The following CASZ1 variants were observed in gnomAD, a reference collection of about 807,000 sequenced individuals.
The protein encoded by CASZ1 is castor zinc finger 1.
Under a neutral mutation model 135.2 loss-of-function variants are expected in CASZ1, and 28 were observed. The ratio of observed to expected loss-of-function variants is 0.21; its 90% CI spans 0.15 to 0.28. CASZ1 has a LOEUF of 0.28. Ranked by LOEUF, CASZ1 falls within the 10% of genes least tolerant of loss-of-function variation. The pLI, the probability that CASZ1 is intolerant of heterozygous loss-of-function variation, is 1.00. For missense variants in CASZ1, 2,161 were observed against 2,453.3 expected (o/e 0.88, Z 2.52); for synonymous variants, 1,068 against 1,073.4 (o/e 0.99, Z 0.10).
intron 1 of CASZ1, among the ~76,000 whole-genome samples, chr1:10,761,139 T>A (rs1339510555): frequency 6.6e-6 from 1 of 152,248 alleles, no homozygotes; most frequent in Non-Finnish European, 1.5e-5. Flanking sequence ...GAAACAATAC[T>A]AGGCCAATCA....
intron 15 of CASZ1, chr1:10,648,654 T>G: frequency 5.0e-6 from 1 of 198,982 alleles, no homozygotes; most frequent in Non-Finnish European, 1.0e-5. Context: ...ATTCATTTCA[T>G]TATGTTTAGG....
rs747212803 is a variant in CASZ1 at position 10,660,346 on chromosome 1, C to A, written c.696G>T (p.Lys232Asn). ...MLPTSEDTLS[K>N]RARFSKYEEY... ...CCTCATACTTAGAGAACCGCGCCCGCTTGCTGAGGGTATCCTCGGAGGTGG... is the reference window on the plus strand; with the variant it reads ...CCTCATACTTAGAGAACCGCGCCCGATTGCTGAGGGTATCCTCGGAGGTGG... The change falls in exon 6 of 21, where the codon AAG becomes AAT. Residue 232 changes from lysine (K) to asparagine (N), a missense_variant. Physicochemically the swap from Lys to Asn is moderately conservative, Grantham distance 94. Around this residue, in one of 7 missense-constraint regions of CASZ1, gnomAD observed 590 missense variants for 609.8 expected, o/e 0.97. Coordinates refer to ENST00000377022, the MANE Select transcript of CASZ1 (RefSeq NM_001079843.3). 6.2e-7 allele frequency: 1 copy of A among 1,614,156 alleles called. No homozygotes were observed. The highest frequency in any genetic ancestry group is 8.5e-7 in the Non-Finnish European group (1 of 1,180,014).
chr1:10,694,772 G>A lies in CASZ1; in HGVS notation c.-23-860C>T, dbSNP rs1446438347. Among the ~76,000 whole-genome samples the A allele has an allele frequency of 6.9e-6, 1 of 144,988 alleles. No homozygotes were observed. Among genetic ancestry groups the A allele is most frequent in the Non-Finnish European group, 1.5e-5 (1 of 65,294 alleles). On this transcript the variant is annotated intron_variant, in intron 3 of 20. Coordinates refer to ENST00000377022, the MANE Select transcript of CASZ1 (RefSeq NM_001079843.3). This position sits in a 1 kb window ranked among gnomAD's most constrained non-coding sequence, Gnocchi z 6.6. ...GGCTCTGCGATTCCCCAAACCTCTG[G>A]CTCCGGGAGGAGGAGGCGGGGACTT...
chr1:10,784,533 C>T (rs1274099088), intron 1 of CASZ1, among the ~76,000 whole-genome samples: 2 of 152,164 alleles, frequency 1.3e-5, no homozygotes, highest in African/African-American at 4.8e-5. Context: ...AGTTATCTCC[C>T]TACCTCCCAG....
At chr1:10,688,723 C>T (rs1053812252) in intron 4 of CASZ1, among the ~76,000 whole-genome samples, 7 of 152,210 alleles carry the variant, frequency 4.6e-5, no homozygotes, top group Admixed American at 3.9e-4. Flanking sequence ...CCTGCTGAGT[C>T]GAGGGTGTCA....
At chr1:10,751,789 G>A (rs559394601) in intron 2 of CASZ1, among the ~76,000 whole-genome samples, 2 of 152,288 alleles carry the variant, frequency 1.3e-5, no homozygotes, top group East Asian at 3.9e-4. Context: ...AGGGGGCCAG[G>A]GCAGAGGAGG....
intron 1 of CASZ1, among the ~76,000 whole-genome samples, chr1:10,775,581 CAA>C (rs917255333): frequency 7.9e-5 from 12 of 152,116 alleles, no homozygotes; most frequent in African/African-American, 2.9e-4. Flanking sequence ...CTTTTTGGCT[CAA>C]AGTCTCTCCT....
chr1:10,649,418 C>T lies in CASZ1; in HGVS notation c.2900G>A (p.Gly967Asp), dbSNP rs1642486118. 3 of 1,610,052 alleles carry T rather than the reference C, an allele frequency of 1.9e-6. No homozygotes were observed. The highest frequency in any genetic ancestry group is 2.5e-6 in the Non-Finnish European group (3 of 1,178,282). ...LMNKMSQGNPGLGSLLNIKAE... is the reference protein window; with the variant it reads ...LMNKMSQGNPDLGSLLNIKAE... Reference sequence around the variant, plus strand: ...CTTGATGTTCAGCAGGCTGCCCAGGCCAGGGTTGCCCTGAGACATCTGTGA... The same window carrying T: ...CTTGATGTTCAGCAGGCTGCCCAGGTCAGGGTTGCCCTGAGACATCTGTGA... Residue 967 changes from glycine to aspartate, a missense_variant, in exon 14 of 21, where the codon GGC becomes GAC. Around this residue, in one of 7 missense-constraint regions of CASZ1, gnomAD observed 406 missense variants for 387.6 expected, o/e 1.05. Coordinates refer to ENST00000377022, the MANE Select transcript of CASZ1 (RefSeq NM_001079843.3).
At position 10,788,022 on chromosome 1, in the gene CASZ1, T is replaced by C. The variant is rs1421108153; in HGVS notation, c.-234+8542A>G. Reference sequence around the variant, plus strand: ...GCTGACATCTCTCCACAGAGCAAACTATCCAAGGTTCAAACATGACCTTGC... The same window carrying C: ...GCTGACATCTCTCCACAGAGCAAACCATCCAAGGTTCAAACATGACCTTGC... On this transcript the variant is annotated intron_variant, in intron 1 of 20. Transcript: ENST00000377022. The surrounding 1 kb of genome is among the most constrained non-coding windows in gnomAD (Gnocchi z 4.1). Among the ~76,000 whole-genome samples the C allele has an allele frequency of 6.6e-6, 1 of 152,204 alleles. No individual in the cohort carries two copies. The highest frequency in any genetic ancestry group is 1.5e-5 in the Non-Finnish European group (1 of 68,034).
chr1:10,683,701 AC>A (rs965497210), intron 4 of CASZ1, among the ~76,000 whole-genome samples: 1 of 151,886 alleles, frequency 6.6e-6, no homozygotes, highest in African/African-American at 2.4e-5. Flanking sequence ...CGTTCCACCC[AC>A]CTGCAACCCT....
intron 1 of CASZ1, among the ~76,000 whole-genome samples, chr1:10,763,700 G>A (rs972481745): frequency 1.3e-5 from 2 of 152,268 alleles, no homozygotes; most frequent in East Asian, 1.9e-4. Flanking sequence ...GGCAGAGAGC[G>A]GGTCCTAATG....
rs145398174 is a variant in CASZ1 at position 10,697,177 on chromosome 1, G to A, written c.-23-3265C>T. ...ATTTATGAAGGTCAGAGAAGGCGGC[G>A]GAGGCTTCGAGGTTGTGGGGTATGA... On this transcript the variant is annotated intron_variant, in intron 3 of 20. Transcript: ENST00000377022. This position sits in a 1 kb window ranked among gnomAD's most constrained non-coding sequence, Gnocchi z 4.7. 7.3e-4 allele frequency among the ~76,000 whole-genome samples: 111 copies of A among 152,340 alleles called. 1 individual carries two copies. The East Asian group carries it at 0.019, about 26-fold the overall frequency.
intron 1 of CASZ1, among the ~76,000 whole-genome samples, chr1:10,782,170 C>T (rs567161120): frequency 1.7e-3 from 252 of 152,310 alleles, no homozygotes; most frequent in Non-Finnish European, 2.9e-3. Flanking sequence ...ATGAGGAGCA[C>T]GACTGGAGGG....
At position 10,747,817 on chromosome 1, in the gene CASZ1, CTTTT is replaced by C. The variant is rs34001765; in HGVS notation, c.-77+12880_-77+12883del. ...CAGTACACTGTGCTCACCTGCCTGA[CTTTT>C]TTTTTTTTTTTTTGAGATGGAGTCT... is the stretch of plus-strand genomic sequence containing the variant. On this transcript the variant is annotated intron_variant, in intron 2 of 20. Transcript: ENST00000377022. This position sits in a 1 kb window ranked among gnomAD's most constrained non-coding sequence, Gnocchi z 4.3. 7.5e-6 allele frequency among the ~76,000 whole-genome samples: 1 copy of C among 134,198 alleles called. No homozygotes were observed. The highest frequency in any genetic ancestry group is 2.9e-5 in the African/African-American group (1 of 34,850). 88.0% of individuals were successfully genotyped at this position (134,198 alleles called of 152,430 possible). A position where few individuals can be genotyped will look rare whatever the true frequency, so the allele number is the denominator to read the frequency against.
rs1639473857 is a variant in CASZ1, at chr1:10,720,273, A to C, written c.-76-14729T>G. 6.6e-6 allele frequency among the ~76,000 whole-genome samples: 1 copy of C among 152,278 alleles called. No homozygotes were observed. Among genetic ancestry groups the C allele is most frequent in the African/African-American group, 2.4e-5 (1 of 41,474 alleles). On this transcript the variant is annotated intron_variant, in intron 2 of 20. Coordinates refer to ENST00000377022, the MANE Select transcript of CASZ1 (RefSeq NM_001079843.3). The surrounding 1 kb of genome is among the most constrained non-coding windows in gnomAD (Gnocchi z 5.7). Reference sequence around the variant, plus strand: ...AAAGTGTCTACACATTTCTATGTGGAAAATGTGGTGCCAGTCATCATTGTG... The same window carrying C: ...AAAGTGTCTACACATTTCTATGTGGCAAATGTGGTGCCAGTCATCATTGTG...
At position 10,727,256 on chromosome 1, in the gene CASZ1, C is replaced by T. The variant is rs1399762360; in HGVS notation, c.-76-21712G>A. The stretch of plus-strand genomic sequence containing the variant: ...CAGGGCGTCTTGCAGGCAGGGGCTG[C>T]AGAGCCATAAGGCACCTGCTGTTTG... On this transcript the variant is annotated intron_variant, in intron 2 of 20. Coordinates refer to ENST00000377022, the MANE Select transcript of CASZ1 (RefSeq NM_001079843.3). The surrounding 1 kb of genome is among the most constrained non-coding windows in gnomAD (Gnocchi z 5.3). 1.3e-5 allele frequency among the ~76,000 whole-genome samples: 2 copies of T among 152,094 alleles called. No homozygotes were observed. The highest frequency in any genetic ancestry group is 2.9e-5 in the Non-Finnish European group (2 of 68,014).
intron 2 of CASZ1, among the ~76,000 whole-genome samples, chr1:10,740,962 A>C (rs1220565372): frequency 7.7e-6 from 1 of 130,136 alleles, no homozygotes; most frequent in Non-Finnish European, 1.6e-5. Context: ...TGTCTGGACA[A>C]AAAAAAAAAA....
intron 2 of CASZ1, among the ~76,000 whole-genome samples, chr1:10,751,384 G>A (rs546988573): frequency 6.2e-4 from 95 of 152,152 alleles, no homozygotes; most frequent in African/African-American, 2.1e-3. Flanking sequence ...GCCAGAAGCC[G>A]ACTTCTGGCC....
Position 10,757,854 on chromosome 1 carries a change from T to C in CASZ1, c.-77+2847A>G, listed in dbSNP as rs6540947. On this transcript the variant is annotated intron_variant, in intron 2 of 20. Transcript: ENST00000377022. This position sits in a 1 kb window ranked among gnomAD's most constrained non-coding sequence, Gnocchi z 4.6. Reference sequence around the variant, plus strand: ...CTCTGGCTCAAAACCCTCCAGCGGCTTCCTATCACCTAAGCATAAAATCCC... The same window carrying C: ...CTCTGGCTCAAAACCCTCCAGCGGCCTCCTATCACCTAAGCATAAAATCCC... Among the ~76,000 whole-genome samples, 4,914 of 152,042 alleles carry C rather than the reference T, an allele frequency of 0.032. 259 individuals carry two copies. The highest frequency in any genetic ancestry group is 0.11 in the African/African-American group (4,443 of 41,434).
Sources: gnomAD v4.1 joint callset for allele counts (sites outside exome capture counted in the v4.1 genomes callset) on GRCh38, gnomAD v4.1.1 for gene constraint, gnomAD v4.1.1 regional missense constraint, Gnocchi (gnomAD v3.1) non-coding constraint, MANE v1.5 for transcripts, NCBI Gene and HGNC (gene_info 2026-07-23, HGNC 2026-07-21) for gene names.